ADGRL3: variants seen among roughly 807,000 people sequenced by gnomAD.
The protein encoded by ADGRL3 is calcium-independent alpha-latrotoxin receptor 3.
In ADGRL3, 62 loss-of-function variants were observed where a neutral mutation model predicts 153.5. The observed-to-expected ratio is 0.40, with a 90% confidence interval of 0.33 to 0.50. The LOEUF (loss-of-function observed/expected upper bound fraction) is 0.50, where lower values mean the gene tolerates loss of function less well. Ranked by LOEUF, ADGRL3 falls within the 20% of genes least tolerant of loss-of-function variation. The pLI is 0.47. For missense variants in ADGRL3, 1,641 were observed against 1,859.4 expected, an observed-to-expected ratio of 0.88 and a Z score of 2.16; for synonymous variants, 710 against 672.5, an observed-to-expected ratio of 1.06 and a Z score of -0.86.
At chr4:61,757,430 G>T (rs941317451) in intron 8 of ADGRL3, among the ~76,000 whole-genome samples, 2 of 152,262 alleles carry the variant, frequency 1.3e-5, no homozygotes, top group South Asian at 4.1e-4. Flanking sequence ...AGTATTCTCT[G>T]ATGATAGTTT....
intron 2 of ADGRL3, among the ~76,000 whole-genome samples, chr4:61,485,200 T>G (rs746951189): frequency 2.6e-5 from 4 of 152,138 alleles, no homozygotes; most frequent in Non-Finnish European, 5.9e-5. Context: ...TCAAAACATG[T>G]GTATTTTCTC....
intron 2 of ADGRL3, among the ~76,000 whole-genome samples, chr4:61,387,370 A>G (rs568722001): frequency 3.2e-4 from 49 of 152,268 alleles, no homozygotes; most frequent in African/African-American, 1.2e-3. Context: ...TTATCAGGAG[A>G]CGAGGTTTTG....
At chr4:61,201,897 TCACA>T (rs574150715) in intron 1 of ADGRL3, 132 bp downstream of exon 1, 2 of 151,772 alleles carry the variant, frequency 1.3e-5, no homozygotes, top group African/African-American at 2.4e-5. Context: ...ACACTCGCCC[TCACA>T]CACACACACA....
rs1005595565 is a variant in ADGRL3, at chr4:61,274,268, A to G, written c.-240+72503A>G. Among the ~76,000 whole-genome samples the G allele has an allele frequency of 2.6e-5, 4 of 152,240 alleles. No individual in the cohort carries two copies. The South Asian group carries it at 8.3e-4, about 31-fold the overall frequency. ...CTAACAGTTTAATGAGCAAATATAA[A>G]AATGATAAATGCTAACATTATCATA... On this transcript the variant is annotated intron_variant, in intron 1 of 26. Transcript: ENST00000683033.
chr4:61,583,808 T>A (rs2098935560), intron 4 of ADGRL3: 1 of 508,340 alleles, frequency 2.0e-6, no homozygotes, highest in Non-Finnish European at 3.9e-6. Flanking sequence ...GACACTGTGT[T>A]CTTTGATATA....
At chr4:61,849,367 C>T (rs1370055014) in intron 9 of ADGRL3, among the ~76,000 whole-genome samples, 2 of 152,112 alleles carry the variant, frequency 1.3e-5, no homozygotes, top group African/African-American at 4.8e-5. Flanking sequence ...GGCACAAAAT[C>T]TAAATACTGT....
chr4:61,253,752 C>T (rs1451626622), intron 1 of ADGRL3, among the ~76,000 whole-genome samples: 1 of 151,552 alleles, frequency 6.6e-6, no homozygotes, highest in African/African-American at 2.4e-5. Context: ...TATTTATAGC[C>T]TTTCCAATCA....
intron 6 of ADGRL3, among the ~76,000 whole-genome samples, chr4:61,706,425 C>CAA (rs56955396): frequency 4.6e-5 from 6 of 130,048 alleles, no homozygotes; most frequent in African/African-American, 1.4e-4. Context: ...GACTCCCTCT[C>CAA]AAAAAAAAAA....
intron 1 of ADGRL3, among the ~76,000 whole-genome samples, chr4:61,375,948 C>T (rs1369656487): frequency 6.6e-6 from 1 of 152,004 alleles, no homozygotes; most frequent in Non-Finnish European, 1.5e-5. Context: ...TGAATTGACT[C>T]CCTTGTATTT....
At chr4:61,673,213 G>A (rs1468033792) in intron 5 of ADGRL3, among the ~76,000 whole-genome samples, 1 of 151,786 alleles carries the variant, frequency 6.6e-6, no homozygotes, top group African/African-American at 2.4e-5. Context: ...TCGATCAAAG[G>A]GGGCAAAGTT....
In ADGRL3 at chr4:61,517,443, C is replaced by T; in HGVS notation, c.184C>T (p.Arg62Cys). 1.3e-6 allele frequency: 1 copy of T among 799,730 alleles called. No homozygotes were observed. Among genetic ancestry groups the T allele is most frequent in the Non-Finnish European group, 2.1e-6 (1 of 473,420 alleles). The allele number at this position is 799,730 out of a possible 1,614,324, so 49.5% of individuals were successfully genotyped here. ...AGCTGCAGAGCGCACCGCTGCTCAT[C>T]GTGGACAAGGGCCCCGTGGAGCTAC... ...QPAAERTAAH[R>C]GQGPRGATRG... is the part of the protein sequence containing the mutation. Residue 62 changes from arginine to cysteine, a missense_variant, in exon 4 of 27, where the codon CGT becomes TGT. Arg to Cys is a radical substitution (Grantham distance 180). Transcript: ENST00000683033.
intron 8 of ADGRL3, among the ~76,000 whole-genome samples, chr4:61,812,906 AT>A (rs1382109673): frequency 1.3e-5 from 2 of 152,116 alleles, no homozygotes; most frequent in Non-Finnish European, 2.9e-5. Flanking sequence ...TGTTTTTTTC[AT>A]TAAATACAGT....
chr4:61,425,068 G>A (rs924120312), intron 2 of ADGRL3, among the ~76,000 whole-genome samples: 2 of 152,122 alleles, frequency 1.3e-5, no homozygotes, highest in African/African-American at 2.4e-5. Context: ...GGAGCTTGAC[G>A]TTGATGAGGC....
chr4:61,740,843 C>A (rs976795945), intron 8 of ADGRL3, among the ~76,000 whole-genome samples: 1 of 152,192 alleles, frequency 6.6e-6, no homozygotes, highest in Non-Finnish European at 1.5e-5. Flanking sequence ...TCCACATTTT[C>A]TTGAAAGCCG....
At chr4:61,424,064 G>T (rs565115003) in intron 2 of ADGRL3, among the ~76,000 whole-genome samples, 16 of 152,066 alleles carry the variant, frequency 1.1e-4, no homozygotes. Context: ...TGGACAGGTG[G>T]TGGGTAATTG....
At chr4:61,902,274 G>C (rs983300027) in intron 11 of ADGRL3, among the ~76,000 whole-genome samples, 1 of 152,050 alleles carries the variant, frequency 6.6e-6, no homozygotes, top group Non-Finnish European at 1.5e-5. Context: ...ATGGCTTTTG[G>C]TGACTCCCTT....
chr4:61,696,304 G>A lies in ADGRL3; in HGVS notation c.583+19369G>A, dbSNP rs78547971. Among the ~76,000 whole-genome samples, 149 of 152,238 alleles carry A rather than the reference G, an allele frequency of 9.8e-4. 1 individual carries two copies. In the East Asian group the frequency reaches 0.027, roughly 27 times the overall value. ...TGGGAATATCTTGTTCCAGAAAGTA[G>A]CATACTTTCTAGGATAGGGTTTTTC... On this transcript the variant is annotated intron_variant, in intron 6 of 26. Coordinates refer to ENST00000683033, the MANE Select transcript of ADGRL3 (RefSeq NM_001387552.1).
At chr4:62,011,266 C>T (rs555722395) in intron 21 of ADGRL3, among the ~76,000 whole-genome samples, 22 of 152,030 alleles carry the variant, frequency 1.4e-4, no homozygotes, top group Middle Eastern at 3.4e-3. Flanking sequence ...TGAGAGCTTT[C>T]GGAAATGGAG....
chr4:62,003,576 T>G (rs2099147811), intron 21 of ADGRL3, among the ~76,000 whole-genome samples: 1 of 152,138 alleles, frequency 6.6e-6, no homozygotes, highest in Non-Finnish European at 1.5e-5. Flanking sequence ...AAATCACATA[T>G]GTAAAGAATA....
Sources: gnomAD v4.1 joint callset for allele counts (sites outside exome capture counted in the v4.1 genomes callset) on GRCh38, gnomAD v4.1.1 for gene constraint, MANE v1.5 for transcripts, NCBI Gene and HGNC (gene_info 2026-07-23, HGNC 2026-07-21) for gene names.